The following LMNTD1 variants were observed in gnomAD, a reference collection of about 807,000 sequenced individuals.
LMNTD1 encodes the protein lamin tail domain containing 1.
LMNTD1 carries 35 observed loss-of-function variants against 50.9 expected under a neutral mutation model. The observed-to-expected ratio is 0.69, with a 90% CI of 0.53 to 0.91. LMNTD1 has a LOEUF of 0.91. LMNTD1 is among the 40% of genes least tolerant of loss of function. The pLI is 0.00. For synonymous variants in LMNTD1, 153 were observed against 161.9 expected (o/e 0.94, Z 0.42); for missense variants, 470 against 475.5 (o/e 0.99, Z 0.11).
chr12:25,554,050 T>C (rs2136270562), upstream of LMNTD1, among the ~76,000 whole-genome samples: 1 of 152,290 alleles, frequency 6.6e-6, no homozygotes, highest in East Asian at 1.9e-4. Flanking sequence ...AGTCAAGACG[T>C]GTAACACGTA....
chr12:25,616,257 A>T (rs75452392), intron 1 of LMNTD1, among the ~76,000 whole-genome samples: 3,479 of 152,294 alleles, frequency 0.023, 109 homozygotes, highest in African/African-American at 0.072. Context: ...TTATTGATGA[A>T]TCAATAATAA....
At chr12:25,577,228 G>T (rs1307045832) in intron 1 of LMNTD1, among the ~76,000 whole-genome samples, 1 of 152,210 alleles carries the variant, frequency 6.6e-6, no homozygotes, top group African/African-American at 2.4e-5. Context: ...ATTCTGTGAA[G>T]AAAGTCACTG....
intron 1 of LMNTD1, among the ~76,000 whole-genome samples, chr12:25,594,607 C>T (rs1320689081): frequency 2.4e-5 from 3 of 125,788 alleles, no homozygotes; most frequent in Non-Finnish European, 4.8e-5. Context: ...CCAAACAGCA[C>T]ATCTTTAAAG....
At chr12:25,540,934 A>T (rs1943022902) in intron 4 of LMNTD1, among the ~76,000 whole-genome samples, 1 of 137,488 alleles carries the variant, frequency 7.3e-6, no homozygotes, top group Non-Finnish European at 1.6e-5. Flanking sequence ...CACCAACAAC[A>T]GACAAACGGA....
intron 9 of LMNTD1, among the ~76,000 whole-genome samples, chr12:25,482,641 C>G (rs1351619776): frequency 6.6e-6 from 1 of 151,912 alleles, no homozygotes; most frequent in East Asian, 1.9e-4. Flanking sequence ...AATGAAGAAA[C>G]AGGAAGTGGT....
chr12:25,587,396 C>A (rs939458639), intron 1 of LMNTD1, among the ~76,000 whole-genome samples: 3 of 152,246 alleles, frequency 2.0e-5, no homozygotes, highest in Non-Finnish European at 1.5e-5. Context: ...CCTCAGGGAG[C>A]TTTTGCTCAC....
At chr12:25,563,431 G>T (rs990332070) in intron 1 of LMNTD1, among the ~76,000 whole-genome samples, 1 of 152,170 alleles carries the variant, frequency 6.6e-6, no homozygotes, top group Non-Finnish European at 1.5e-5. Context: ...GTTTGCCTGG[G>T]TATCACCACC....
chr12:25,575,825 C>T (rs1944992429), intron 1 of LMNTD1, among the ~76,000 whole-genome samples: 1 of 152,128 alleles, frequency 6.6e-6, no homozygotes, highest in African/African-American at 2.4e-5. Context: ...TCTCCTAATG[C>T]TATCCCTCCC....
At chr12:25,533,491 T>C (rs1004210134) in intron 4 of LMNTD1, among the ~76,000 whole-genome samples, 2 of 83,394 alleles carry the variant, frequency 2.4e-5, no homozygotes, top group African/African-American at 7.2e-5. Context: ...TGCTATTTAT[T>C]TGCTTTTAGG....
chr12:25,556,834 A>C (rs115380087), upstream of LMNTD1, among the ~76,000 whole-genome samples: 216 of 152,370 alleles, frequency 1.4e-3, no homozygotes, highest in African/African-American at 5.0e-3. Context: ...AAGAACACAA[A>C]GAACTGGCTT....
At chr12:25,488,059 C>T (rs1320397836) in intron 9 of LMNTD1, among the ~76,000 whole-genome samples, 3 of 147,998 alleles carry the variant, frequency 2.0e-5, no homozygotes, top group African/African-American at 7.4e-5. Context: ...TCTGGCTGCC[C>T]TTAACATTTT....
chr12:25,582,421 C>T (rs1945330954), intron 1 of LMNTD1: 1 of 152,200 alleles, frequency 6.6e-6, no homozygotes, highest in South Asian at 2.1e-4. Flanking sequence ...TTATAACTCA[C>T]TTTAGATAAG....
intron 1 of LMNTD1, among the ~76,000 whole-genome samples, chr12:25,626,517 CT>C (rs910163206): frequency 6.6e-5 from 10 of 152,028 alleles, no homozygotes; most frequent in African/African-American, 2.4e-4. Flanking sequence ...ATTGTTATGA[CT>C]TTTTTTGTGA....
At chr12:25,523,271 A>T (rs1253892506) in intron 6 of LMNTD1, among the ~76,000 whole-genome samples, 1 of 152,116 alleles carries the variant, frequency 6.6e-6, no homozygotes, top group African/African-American at 2.4e-5. Context: ...TGACCTTGTG[A>T]TCCGCCCGCC....
At chr12:25,563,949 G>A (rs1052962193) in intron 1 of LMNTD1, among the ~76,000 whole-genome samples, 1 of 152,216 alleles carries the variant, frequency 6.6e-6, no homozygotes, top group Non-Finnish European at 1.5e-5. Flanking sequence ...CAAGCCATGC[G>A]TGGGATATAA....
intron 1 of LMNTD1, among the ~76,000 whole-genome samples, chr12:25,604,476 C>A (rs986890962): frequency 1.3e-5 from 2 of 152,010 alleles, no homozygotes; most frequent in Non-Finnish European, 2.9e-5. Context: ...TTAGGTATAT[C>A]TCCTAATGCT....
intron 9 of LMNTD1, among the ~76,000 whole-genome samples, chr12:25,485,792 G>C (rs1302081629): frequency 2.3e-5 from 3 of 131,886 alleles, no homozygotes; most frequent in African/African-American, 8.6e-5. Flanking sequence ...TTTTTCTCAG[G>C]TTTGTCAAAG....
At position 25,476,292 on chromosome 12, in the gene LMNTD1, C is replaced by T. The variant is rs1203579188; in HGVS notation, c.*191G>A. On this transcript the variant is annotated 3_prime_UTR_variant, in exon 10 of 10. Coordinates refer to ENST00000458174, the MANE Select transcript of LMNTD1 (RefSeq NM_001145728.2). Reference sequence around the variant, plus strand: ...TGGTAGGACTTGTGATTTCATCAAGCATCTATAATTCACCAATTCTACAGC... The same window carrying T: ...TGGTAGGACTTGTGATTTCATCAAGTATCTATAATTCACCAATTCTACAGC... The T allele has an allele frequency of 6.6e-6, 1 of 152,164 alleles. No homozygotes were observed. The highest frequency in any genetic ancestry group is 1.5e-5 in the Non-Finnish European group (1 of 68,022). 9.4% of individuals were successfully genotyped at this position (152,164 alleles called of 1,614,324 possible).
chr12:25,615,486 C>T (rs1946335985), intron 1 of LMNTD1, among the ~76,000 whole-genome samples: 1 of 151,832 alleles, frequency 6.6e-6, no homozygotes, highest in South Asian at 2.1e-4. Context: ...CATGGTCTCA[C>T]TCTTTACTCT....
Sources: allele counts gnomAD v4.1 joint callset (sites outside exome capture counted in the v4.1 genomes callset), GRCh38; gene constraint gnomAD v4.1.1; transcripts MANE v1.5; gene names NCBI Gene and HGNC (gene_info 2026-07-23, HGNC 2026-07-21).